Variants in SEMA3E observed in about 807,000 individuals in gnomAD.
SEMA3E encodes semaphorin-3E.
Under a neutral mutation model 93.6 loss-of-function variants are expected in SEMA3E, and 49 were observed. The ratio of observed to expected loss-of-function variants is 0.52; its 90% CI spans 0.42 to 0.66. SEMA3E has a LOEUF of 0.66. SEMA3E is among the 30% of genes least tolerant of loss of function. The pLI, the probability that SEMA3E is intolerant of heterozygous loss-of-function variation, is 0.00. For missense variants in SEMA3E, 906 were observed against 964.8 expected, an observed-to-expected ratio of 0.94 and a Z score of 0.81; for synonymous variants, 363 against 330.7, an observed-to-expected ratio of 1.10 and a Z score of -1.06.
intron 4 of SEMA3E, among the ~76,000 whole-genome samples, chr7:83,459,258 A>C (rs886771771): frequency 2.6e-5 from 4 of 152,134 alleles, no homozygotes; most frequent in Admixed American, 1.3e-4. Flanking sequence ...TTAGAAAGAG[A>C]TTAGAAGACA....
At chr7:83,620,749 G>A (rs1206414948) in intron 1 of SEMA3E, among the ~76,000 whole-genome samples, 3 of 151,964 alleles carry the variant, frequency 2.0e-5, no homozygotes, top group East Asian at 3.9e-4. Flanking sequence ...AAAACTATAT[G>A]ATTTTCTCAA....
chr7:83,396,299 T>G (rs965213819), intron 12 of SEMA3E, among the ~76,000 whole-genome samples: 1 of 152,276 alleles, frequency 6.6e-6, no homozygotes, highest in South Asian at 2.1e-4. Context: ...GTTCACAATA[T>G]GAAAATGTAT....
chr7:83,573,687 T>C (rs1792334767), intron 1 of SEMA3E, among the ~76,000 whole-genome samples: 1 of 152,032 alleles, frequency 6.6e-6, no homozygotes, highest in South Asian at 2.1e-4. Context: ...ATTGTGTAAG[T>C]TTCCTTGCCT....
intron 8 of SEMA3E, 115 bp downstream of exon 8, chr7:83,405,830 C>T (rs1267880167): frequency 1.2e-6 from 1 of 836,096 alleles, no homozygotes; most frequent in Admixed American, 2.1e-5. Context: ...GAAACTTGCT[C>T]TATGTTAGAT....
intron 1 of SEMA3E, among the ~76,000 whole-genome samples, chr7:83,533,975 A>G (rs1018732774): frequency 6.6e-6 from 1 of 152,182 alleles, no homozygotes; most frequent in African/African-American, 2.4e-5. Context: ...CCCAAGTTCT[A>G]GTCAAAATTC....
intron 2 of SEMA3E, among the ~76,000 whole-genome samples, chr7:83,471,938 C>T (rs1207381181): frequency 6.6e-6 from 1 of 152,076 alleles, no homozygotes; most frequent in Non-Finnish European, 1.5e-5. Flanking sequence ...TGTTGTAATC[C>T]CATTCACCAT....
At chr7:83,441,075 A>G (rs1294091657) in intron 4 of SEMA3E, among the ~76,000 whole-genome samples, 1 of 152,190 alleles carries the variant, frequency 6.6e-6, no homozygotes, top group Non-Finnish European at 1.5e-5. Context: ...TGAGATTAAA[A>G]AGCATGTAAA....
chr7:83,390,908 A>C (rs967845322), intron 14 of SEMA3E, among the ~76,000 whole-genome samples: 1 of 152,230 alleles, frequency 6.6e-6, no homozygotes, highest in East Asian at 1.9e-4. Context: ...CACCATATAG[A>C]AAAATTAACT....
chr7:83,592,177 A>T lies in SEMA3E; in HGVS notation c.115+56251T>A, dbSNP rs552542437. ...GCATATAGTAACGGTTTTATTTTTT[A>T]AATGTTATTTACATATAAAATAATG... On this transcript the variant is annotated intron_variant, in intron 1 of 16. Coordinates refer to ENST00000643230, the MANE Select transcript of SEMA3E (RefSeq NM_012431.3). Among the ~76,000 whole-genome samples, 707 of 152,214 alleles carry T rather than the reference A, an allele frequency of 4.6e-3. 4 individuals carry two copies. The highest frequency in any genetic ancestry group is 6.8e-3 in the Middle Eastern group (2 of 292).
intron 4 of SEMA3E, among the ~76,000 whole-genome samples, chr7:83,420,266 G>A (rs778438853): frequency 6.6e-6 from 1 of 151,902 alleles, no homozygotes; most frequent in Non-Finnish European, 1.5e-5. Context: ...AAGGTGAAAG[G>A]CCTCTATAAG....
intron 1 of SEMA3E, among the ~76,000 whole-genome samples, chr7:83,499,404 T>C (rs1487972499): frequency 2.0e-5 from 3 of 152,148 alleles, no homozygotes; most frequent in African/African-American, 7.2e-5. Context: ...GTTTAGGGTG[T>C]TTTGCTAATT....
At chr7:83,543,655 A>G (rs1791584290) in intron 1 of SEMA3E, among the ~76,000 whole-genome samples, 1 of 152,144 alleles carries the variant, frequency 6.6e-6, no homozygotes, top group African/African-American at 2.4e-5. Context: ...GGTAAAGTGA[A>G]TTCCTCCTGG....
intron 1 of SEMA3E, among the ~76,000 whole-genome samples, chr7:83,495,061 A>G (rs1426097753): frequency 6.6e-6 from 1 of 151,924 alleles, no homozygotes; most frequent in Non-Finnish European, 1.5e-5. Flanking sequence ...TTTATCCATG[A>G]ACAAATTTAT....
intron 1 of SEMA3E, among the ~76,000 whole-genome samples, chr7:83,593,280 CTCTCTGTGTGTGTG>C (rs1257058849): frequency 2.7e-4 from 29 of 109,244 alleles, no homozygotes; most frequent in Middle Eastern, 4.9e-3. Flanking sequence ...CTCTCTCTCT[CTCTCTGTGTGTGTG>C]TGTGTGTGTG....
intron 1 of SEMA3E, among the ~76,000 whole-genome samples, chr7:83,528,905 G>A (rs1020848971): frequency 6.6e-6 from 1 of 151,856 alleles, no homozygotes; most frequent in African/African-American, 2.4e-5. Context: ...TACTATAAAG[G>A]GTTTAAATAC....
intron 4 of SEMA3E, among the ~76,000 whole-genome samples, chr7:83,433,637 A>G (rs1026842734): frequency 3.3e-5 from 5 of 152,174 alleles, no homozygotes; most frequent in Non-Finnish European, 7.4e-5. Flanking sequence ...AAATATTAGT[A>G]CATTCTGTGT....
chr7:83,406,131 A>G lies in SEMA3E; in HGVS notation c.814-72T>C. 4 of 1,084,676 alleles carry G rather than the reference A, an allele frequency of 3.7e-6. No homozygotes were observed. The South Asian group carries it at 5.0e-5, about 14-fold the overall frequency. The allele number at this position is 1,084,676 out of a possible 1,614,324, so 67.2% of individuals were successfully genotyped here. A position where few individuals can be genotyped will look rare whatever the true frequency, so the allele number is the denominator to read the frequency against. ...CCAACCACAGATTTCATATTATTAA[A>G]CATGCAGTTGCCAAGAGTTATGACT... On this transcript the variant is annotated intron_variant, in intron 7 of 16. Coordinates refer to ENST00000643230, the MANE Select transcript of SEMA3E (RefSeq NM_012431.3).
Position 83,387,056 on chromosome 7 carries a change from A to G in SEMA3E, c.1668-6T>C. 6.2e-7 allele frequency: 1 copy of G among 1,612,714 alleles called. No homozygotes were observed. The highest frequency in any genetic ancestry group is 8.5e-7 in the Non-Finnish European group (1 of 1,179,344). On this transcript the variant is annotated splice_polypyrimidine_tract_variant and splice_region_variant and intron_variant, in intron 14 of 16. Coordinates refer to ENST00000643230, the MANE Select transcript of SEMA3E (RefSeq NM_012431.3). ...CATCTTGTCTCCGGAAACGCCTGAA[A>G]GAAAGTAAATGCATTTAGATGTTCA...
Position 83,460,733 on chromosome 7 carries a change from TGTGCCCCGGCCCCTTATCTCC to T in SEMA3E, c.456+5728_456+5748del, listed in dbSNP as rs1185260665. Among the ~76,000 whole-genome samples the T allele has an allele frequency of 4.9e-4, 74 of 151,516 alleles. 1 individual carries two copies. In the East Asian group the frequency reaches 0.012, roughly 25 times the overall value. On this transcript the variant is annotated intron_variant, in intron 4 of 16. Transcript: ENST00000643230. The stretch of plus-strand genomic sequence containing the variant: ...TCTGCGCCCCGACCTCTTGTATCTC[TGTGCCCCGGCCCCTTATCTCC>T]GTGCCCCGGCCCCTTATTTCTGCGC...
Sources: allele counts gnomAD v4.1 joint callset (sites outside exome capture counted in the v4.1 genomes callset), GRCh38; gene constraint gnomAD v4.1.1; transcripts MANE v1.5; gene names NCBI Gene and HGNC (gene_info 2026-07-23, HGNC 2026-07-21).